PITPNC1: variants seen among roughly 807,000 people sequenced by gnomAD.
PITPNC1 encodes the protein cytoplasmic phosphatidylinositol transfer protein 1.
PITPNC1 carries 18 observed loss-of-function variants against 44.7 expected under a neutral mutation model. The ratio of observed to expected loss-of-function variants is 0.40; its 90% CI spans 0.28 to 0.60. PITPNC1 has a LOEUF of 0.60. Among genes scored for constraint, PITPNC1 ranks in the 20% least tolerant of loss-of-function variants. PITPNC1 has a pLI of 0.39. For missense variants in PITPNC1, 290 were observed against 418.4 expected (o/e 0.69, Z 2.68); for synonymous variants, 141 against 149.6 (o/e 0.94, Z 0.42).
chr17:67,542,969 G>T (rs2040629218), intron 2 of PITPNC1, among the ~76,000 whole-genome samples: 1 of 152,202 alleles, frequency 6.6e-6, no homozygotes, highest in Non-Finnish European at 1.5e-5. Context: ...CCACTGGTGT[G>T]CTTTGGCTGG....
At position 67,434,462 on chromosome 17, in the gene PITPNC1, G is replaced by A. The variant is rs566169197; in HGVS notation, c.48+56260G>A. Among the ~76,000 whole-genome samples the A allele has an allele frequency of 7.2e-5, 11 of 152,120 alleles. No homozygotes were observed. In the South Asian group the frequency reaches 2.3e-3, roughly 32 times the overall value. Reference sequence around the variant, plus strand: ...CAGGCCCATTACATAACCTTTCTTAGGGCCCTCTGCACAGAGCTGTAATCT... The same window carrying A: ...CAGGCCCATTACATAACCTTTCTTAAGGCCCTCTGCACAGAGCTGTAATCT... On this transcript the variant is annotated intron_variant, in intron 1 of 8. Coordinates refer to ENST00000581322, the MANE Select transcript of PITPNC1 (RefSeq NM_012417.4).
intron 5 of PITPNC1, among the ~76,000 whole-genome samples, chr17:67,616,151 G>A (rs139843024): frequency 2.3e-4 from 35 of 152,154 alleles, no homozygotes; most frequent in African/African-American, 8.2e-4. Flanking sequence ...TTGTTTGTTT[G>A]TTTGTTGAGA....
At chr17:67,476,491 A>G (rs1326543010) in intron 1 of PITPNC1, among the ~76,000 whole-genome samples, 2 of 151,836 alleles carry the variant, frequency 1.3e-5, no homozygotes, top group African/African-American at 4.8e-5. Flanking sequence ...CGGCCTAGAG[A>G]CTAAATTTCT....
chr17:67,462,740 T>C (rs1157560012), intron 1 of PITPNC1, among the ~76,000 whole-genome samples: 3 of 144,498 alleles, frequency 2.1e-5, no homozygotes, highest in Non-Finnish European at 4.6e-5. Flanking sequence ...TTCACTCTTG[T>C]TGCCCAGGCT....
intron 4 of PITPNC1, among the ~76,000 whole-genome samples, chr17:67,572,036 G>T (rs2041064189): frequency 1.3e-5 from 2 of 152,176 alleles, no homozygotes; most frequent in African/African-American, 4.8e-5. Flanking sequence ...TGGGCCAAAT[G>T]GGACTTTAGA....
intron 1 of PITPNC1, among the ~76,000 whole-genome samples, chr17:67,464,063 C>T (rs375430960): frequency 3.3e-5 from 5 of 152,046 alleles, no homozygotes; most frequent in Non-Finnish European, 5.9e-5. Flanking sequence ...TACAGTGGCT[C>T]GTGCCTGTAA....
intron 5 of PITPNC1, 101 bp downstream of exon 5, chr17:67,578,358 TGCCTGGGACCTCAGAGATGTTCTG>T (rs2041179119): frequency 1.3e-6 from 1 of 781,704 alleles, no homozygotes; most frequent in Non-Finnish European, 2.2e-6. Flanking sequence ...GTGGGACCTG[TGCCTGGGACCTCAGAGATGTTCTG>T]GCCTTTGGCT....
rs928135939 is a variant in PITPNC1 at position 67,497,525 on chromosome 17, G to A, written c.49-35277G>A. Among the ~76,000 whole-genome samples the A allele has an allele frequency of 7.0e-5, 8 of 114,776 alleles. 1 individual carries two copies. The highest frequency in any genetic ancestry group is 1.1e-4 in the Non-Finnish European group (6 of 54,726). 75.3% of individuals were successfully genotyped at this position (114,776 alleles called of 152,430 possible). On this transcript the variant is annotated intron_variant, in intron 1 of 8. Transcript: ENST00000581322. Reference sequence around the variant, plus strand: ...AACCTGTGTCTCCATAAACTTGTTCGTGTCTTTTTTTTTTTTTTTTTTTTG... The same window carrying A: ...AACCTGTGTCTCCATAAACTTGTTCATGTCTTTTTTTTTTTTTTTTTTTTG...
chr17:67,514,900 T>C (rs1281026229), intron 1 of PITPNC1, among the ~76,000 whole-genome samples: 1 of 152,094 alleles, frequency 6.6e-6, no homozygotes, highest in Non-Finnish European at 1.5e-5. Flanking sequence ...GAGTCATAGT[T>C]AGGATTATTT....
Position 67,406,636 on chromosome 17 carries a change from G to T in PITPNC1, c.48+28434G>T, listed in dbSNP as rs1598623574. ...AAGTCTCGCTCTGTCTAGCAGGCTGGAGTCCATTGGTGCGATCTCAGCCCA... is the reference window on the plus strand; with the variant it reads ...AAGTCTCGCTCTGTCTAGCAGGCTGTAGTCCATTGGTGCGATCTCAGCCCA... On this transcript the variant is annotated intron_variant, in intron 1 of 8. Transcript: ENST00000581322. Among the ~76,000 whole-genome samples the T allele has an allele frequency of 2.0e-5, 3 of 149,920 alleles. No individual in the cohort carries two copies. In the South Asian group the frequency reaches 6.3e-4, roughly 31 times the overall value.
chr17:67,561,275 G>A (rs925395921), intron 4 of PITPNC1, among the ~76,000 whole-genome samples: 1 of 152,170 alleles, frequency 6.6e-6, no homozygotes, highest in African/African-American at 2.4e-5. Flanking sequence ...GGCCAACATG[G>A]CGAAACCCCA....
chr17:67,648,742 A>G (rs2042178067), intron 6 of PITPNC1, among the ~76,000 whole-genome samples: 1 of 152,070 alleles, frequency 6.6e-6, no homozygotes, highest in South Asian at 2.1e-4. Context: ...CCTAGGCCCT[A>G]TGTGGAGATG....
intron 2 of PITPNC1, among the ~76,000 whole-genome samples, chr17:67,546,703 T>G (rs990799169): frequency 8.5e-5 from 13 of 152,166 alleles, no homozygotes; most frequent in African/African-American, 2.9e-4. Flanking sequence ...CAAACTGTCT[T>G]GTTAAGCAGG....
chr17:67,640,915 G>C (rs1226922429), intron 6 of PITPNC1, among the ~76,000 whole-genome samples: 1 of 151,970 alleles, frequency 6.6e-6, no homozygotes, highest in Non-Finnish European at 1.5e-5. Context: ...GTTTGAACCC[G>C]GAAGGCAAAG....
At chr17:67,462,182 C>T (rs1183884015) in intron 1 of PITPNC1, among the ~76,000 whole-genome samples, 4 of 146,620 alleles carry the variant, frequency 2.7e-5, no homozygotes, top group Non-Finnish European at 6.0e-5. Flanking sequence ...CTTGCCTACA[C>T]CTTTTTTTTT....
chr17:67,633,124 G>A (rs1417770187), intron 6 of PITPNC1, among the ~76,000 whole-genome samples: 1 of 152,022 alleles, frequency 6.6e-6, no homozygotes, highest in Admixed American at 6.6e-5. Context: ...ACGGAACTTG[G>A]GTGACCCACT....
intron 1 of PITPNC1, among the ~76,000 whole-genome samples, chr17:67,391,289 G>A (rs8070689): frequency 6.6e-6 from 1 of 151,486 alleles, no homozygotes; most frequent in Admixed American, 6.6e-5. Context: ...TAATAATGTT[G>A]TTTAAGTACC....
chr17:67,424,085 C>CAAA (rs71139144), intron 1 of PITPNC1, among the ~76,000 whole-genome samples: 3,795 of 75,890 alleles, frequency 0.05, 297 homozygotes, highest in East Asian at 0.18. Flanking sequence ...GAGACTGTCT[C>CAAA]AAAAAAAAAA....
chr17:67,453,136 A>G (rs1051080912), intron 1 of PITPNC1, among the ~76,000 whole-genome samples: 3 of 152,122 alleles, frequency 2.0e-5, no homozygotes, highest in South Asian at 2.1e-4. Flanking sequence ...GTACATGGAA[A>G]ATGCTTAGGG....
Sources: gnomAD v4.1 joint callset for allele counts (sites outside exome capture counted in the v4.1 genomes callset) on GRCh38, gnomAD v4.1.1 for gene constraint, MANE v1.5 for transcripts, NCBI Gene and HGNC (gene_info 2026-07-23, HGNC 2026-07-21) for gene names.